Variants in AVEN observed in about 807,000 individuals in gnomAD.
The protein encoded by AVEN is apoptosis and caspase activation inhibitor.
A neutral mutation model predicts 38.1 loss-of-function variants in AVEN; 41 were observed. That is an observed-to-expected ratio of 1.08 (90% CI 0.84 to 1.40). The LOEUF is 1.40. Ranked by LOEUF, AVEN falls within the 40% of genes most tolerant of loss-of-function variation. The probability of loss-of-function intolerance (pLI) is 0.00; values close to 1 mark genes in which losing one functional copy is unlikely to be tolerated. For synonymous variants in AVEN, 206 were observed against 171.8 expected, an observed-to-expected ratio of 1.20 and a Z score of -1.56; for missense variants, 605 against 438.8, an observed-to-expected ratio of 1.38 and a Z score of -3.38.
intron 5 of AVEN, among the ~76,000 whole-genome samples, chr15:34,056,206 A>T (rs888532662): frequency 1.3e-5 from 2 of 152,234 alleles, no homozygotes; most frequent in Admixed American, 6.5e-5. Flanking sequence ...CTATAAGAAG[A>T]GCCTGAAAGC....
At chr15:34,072,862 G>A (rs1196881197) in intron 1 of AVEN, among the ~76,000 whole-genome samples, 2 of 151,510 alleles carry the variant, frequency 1.3e-5, no homozygotes, top group Non-Finnish European at 2.9e-5. Context: ...TGTTAGCCAC[G>A]ATGGTCTCGA....
upstream of AVEN, chr15:34,039,207 A>AGCGGG (rs538246427): frequency 6.6e-4 from 375 of 565,444 alleles, 2 homozygotes; most frequent in African/African-American, 1.6e-3. Flanking sequence ...GCCGCAGCGG[A>AGCGGG]GCGGGGCGGG....
At chr15:33,894,825 ATAACAATAAT>A (rs747634288) in intron 2 of AVEN, among the ~76,000 whole-genome samples, 50,331 of 86,704 alleles carry the variant, frequency 0.58, 11,306 homozygotes, top group Admixed American at 0.68. Flanking sequence ...AAAAAAAATA[ATAACAATAAT>A]AATAATAATA....
At chr15:33,860,770 C>CAATAGGTTTTACTATTACTTAG in intron 11 of AVEN, 1 of 872,748 alleles carries the variant, frequency 1.1e-6, no homozygotes, top group African/African-American at 1.7e-5. Flanking sequence ...TAAGCAAGAA[C>CAATAGGTTTTACTATTACTTAG]GCAGTTTGTT....
chr15:34,039,201 C>CAGCGG lies in AVEN; in HGVS notation c.-156_-155insCCGCT, dbSNP rs1166111761. 4.9e-5 allele frequency: 30 copies of CAGCGG among 615,196 alleles called. 1 individual carries two copies. The East Asian group carries it at 9.5e-4, about 19-fold the overall frequency. The allele number at this position is 615,196 out of a possible 1,614,324, so 38.1% of individuals were successfully genotyped here. ...CGGGGCTAGGGATCGAGGCCGGCCG[C>CAGCGG]AGCGGAGCGGGGCGGGGCGGGGCGG... On this transcript the variant is annotated 5_prime_UTR_variant, in exon 1 of 6. Transcript: ENST00000306730.
chr15:33,883,937 G>T (rs1891595344), intron 2 of AVEN, among the ~76,000 whole-genome samples: 1 of 152,184 alleles, frequency 6.6e-6, no homozygotes, highest in Non-Finnish European at 1.5e-5. Flanking sequence ...CTTAGCTCTA[G>T]AAAGTTCAAT....
chr15:33,966,061 T>G (rs922493616), intron 2 of AVEN, among the ~76,000 whole-genome samples: 4 of 152,182 alleles, frequency 2.6e-5, no homozygotes, highest in African/African-American at 9.6e-5. Flanking sequence ...TAATTCAGTT[T>G]ATAGCTAAAG....
intron 2 of AVEN, among the ~76,000 whole-genome samples, chr15:33,900,143 G>A (rs1892429304): frequency 6.6e-6 from 1 of 151,546 alleles, no homozygotes; most frequent in African/African-American, 2.4e-5. Context: ...CCTTTTCTAG[G>A]ATACTGCAAT....
chr15:33,942,051 T>A (rs560043443), intron 2 of AVEN, among the ~76,000 whole-genome samples: 1 of 152,322 alleles, frequency 6.6e-6, no homozygotes, highest in Non-Finnish European at 1.5e-5. Context: ...TTTCTAGGGA[T>A]TGTGTGACAC....
intron 2 of AVEN, among the ~76,000 whole-genome samples, chr15:33,985,482 G>A (rs1047999066): frequency 6.4e-5 from 9 of 139,690 alleles, no homozygotes; most frequent in African/African-American, 1.9e-4. Flanking sequence ...AACCCTGGGG[G>A]AGATATTACC....
intron 1 of AVEN, among the ~76,000 whole-genome samples, chr15:34,074,076 C>T (rs1014604352): frequency 4.2e-5 from 6 of 142,978 alleles, no homozygotes; most frequent in Non-Finnish European, 1.5e-5. Context: ...CGGCTCACTG[C>T]AGTCTCTGCC....
intron 5 of AVEN, among the ~76,000 whole-genome samples, chr15:34,053,608 A>G (rs2576304): frequency 0.79 from 119,372 of 151,820 alleles, 48,732 homozygotes; most frequent in Non-Finnish European, 0.89. Flanking sequence ...AATGGTGCTG[A>G]GAGAACTGGC....
intron 2 of AVEN, among the ~76,000 whole-genome samples, chr15:33,925,749 A>G (rs771079900): frequency 6.6e-6 from 1 of 152,238 alleles, no homozygotes; most frequent in Non-Finnish European, 1.5e-5. Context: ...AGTGGGAGAA[A>G]GAATTTCAAA....
At chr15:33,948,830 G>A (rs988411689) in intron 2 of AVEN, among the ~76,000 whole-genome samples, 2 of 152,000 alleles carry the variant, frequency 1.3e-5, no homozygotes, top group Admixed American at 1.3e-4. Flanking sequence ...CCATCACCAC[G>A]TCTGGCTAAC....
downstream of AVEN, chr15:33,865,119 ATAT>A (rs767732416): frequency 6.2e-7 from 1 of 1,601,750 alleles, no homozygotes; most frequent in Non-Finnish European, 8.5e-7. Context: ...CCCGTTGTTC[ATAT>A]TATTTCAGGA....
chr15:33,883,754 A>AT (rs1489811015), intron 2 of AVEN: 1 of 152,164 alleles, frequency 6.6e-6, no homozygotes, highest in Non-Finnish European at 1.5e-5. Flanking sequence ...AACAACAAGG[A>AT]TTTTTCCTTT....
intron 2 of AVEN, among the ~76,000 whole-genome samples, chr15:33,925,273 G>C (rs1379798480): frequency 6.6e-6 from 1 of 152,144 alleles, no homozygotes; most frequent in Non-Finnish European, 1.5e-5. Flanking sequence ...AATGATTAAT[G>C]TTAGCATTAG....
At chr15:33,944,917 T>C (rs1894453975) in intron 2 of AVEN, among the ~76,000 whole-genome samples, 1 of 151,952 alleles carries the variant, frequency 6.6e-6, no homozygotes, top group Admixed American at 6.5e-5. Flanking sequence ...GTCCTTAAGG[T>C]ACATGTTAGC....
intron 11 of AVEN, chr15:33,859,738 T>C: frequency 6.2e-7 from 1 of 1,602,742 alleles, no homozygotes; most frequent in Non-Finnish European, 8.5e-7. Context: ...CAAGGTATGA[T>C]TGCCAATTGT....
Sources: allele counts gnomAD v4.1 joint callset (sites outside exome capture counted in the v4.1 genomes callset), GRCh38; gene constraint gnomAD v4.1.1; transcripts MANE v1.5; gene names NCBI Gene and HGNC (gene_info 2026-07-23, HGNC 2026-07-21).